Variants in ATP11B observed in about 807,000 individuals in gnomAD.
ATP11B encodes the protein phospholipid-transporting ATPase IF.
In ATP11B, 81 loss-of-function variants were observed where a neutral mutation model predicts 157.8. That is an observed-to-expected ratio of 0.51 (90% confidence interval 0.43 to 0.62). The LOEUF is 0.62. ATP11B is among the 20% of genes least tolerant of loss of function. ATP11B has a pLI of 0.00. For synonymous variants in ATP11B, 451 were observed against 469.4 expected, an observed-to-expected ratio of 0.96 and a Z score of 0.51; for missense variants, 1,165 against 1,402.2, an observed-to-expected ratio of 0.83 and a Z score of 2.70.
chr3:182,817,726 A>T (rs1239770717), intron 1 of ATP11B, among the ~76,000 whole-genome samples: 1 of 152,046 alleles, frequency 6.6e-6, no homozygotes, highest in Admixed American at 6.5e-5. Context: ...ATGTGCATTT[A>T]TATGTTAATA....
chr3:182,918,571 T>C lies in ATP11B; in HGVS notation c.*467T>C, dbSNP rs1027238127. The C allele has an allele frequency of 5.1e-6, 2 of 388,524 alleles. No individual in the cohort carries two copies. Among genetic ancestry groups the C allele is most frequent in the Admixed American group, 4.4e-5 (1 of 22,502 alleles). The allele number at this position is 388,524 out of a possible 1,614,324, so 24.1% of individuals were successfully genotyped here. A position where few individuals can be genotyped will look rare whatever the true frequency, so the allele number is the denominator to read the frequency against. On this transcript the variant is annotated 3_prime_UTR_variant, in exon 30 of 30. Transcript: ENST00000323116. Reference sequence around the variant, plus strand: ...TTTATTAGAGTTATATTTAAAGCTTTTCATGGGAAAAGTTAATGTGAATAC... The same window carrying C: ...TTTATTAGAGTTATATTTAAAGCTTCTCATGGGAAAAGTTAATGTGAATAC...
At chr3:182,801,191 A>G (rs543873301) in intron 1 of ATP11B, among the ~76,000 whole-genome samples, 1 of 152,310 alleles carries the variant, frequency 6.6e-6, no homozygotes, top group Non-Finnish European at 1.5e-5. Flanking sequence ...CTTTAAAACT[A>G]TTAGATTGTC....
rs1296553661 is a variant in ATP11B at position 182,921,043 on chromosome 3, G to A, written c.*2939G>A. The A allele has an allele frequency of 1.3e-5, 2 of 152,156 alleles. No individual in the cohort carries two copies. 9.4% of individuals were successfully genotyped at this position (152,156 alleles called of 1,614,324 possible). On this transcript the variant is annotated 3_prime_UTR_variant, in exon 30 of 30. Transcript: ENST00000323116. ...TGAGATTGAACTTATCTGATCGCTT[G>A]AGACTCCTAATAGGCAGGAGTCAAG...
At chr3:182,883,550 A>ACCCAGCCTGAGCCACCGTG (rs933293655) in intron 21 of ATP11B, among the ~76,000 whole-genome samples, 1 of 151,298 alleles carries the variant, frequency 6.6e-6, no homozygotes, top group African/African-American at 2.4e-5. Context: ...GAGCCACCAC[A>ACCCAGCCTGAGCCACCGTG]CCCAGCCTGA....
intron 7 of ATP11B, among the ~76,000 whole-genome samples, chr3:182,839,566 T>C (rs1718834839): frequency 6.7e-6 from 1 of 148,836 alleles, no homozygotes; most frequent in East Asian, 1.9e-4. Flanking sequence ...GGATTTCTAC[T>C]GATTTTTAAT....
At position 182,828,123 on chromosome 3, in the gene ATP11B, A is replaced by C. The variant is rs1184841692; in HGVS notation, c.148A>C (p.Thr50Pro). The C allele has an allele frequency of 1.4e-6, 2 of 1,390,098 alleles. No individual in the cohort carries two copies. Among genetic ancestry groups the C allele is most frequent in the Non-Finnish European group, 2.0e-6 (2 of 1,023,006 alleles). The allele number at this position is 1,390,098 out of a possible 1,614,324, so 86.1% of individuals were successfully genotyped here. The change falls in exon 3 of 30, where the codon ACT becomes CCT. Residue 50 changes from threonine (T) to proline (P), a missense_variant. Physicochemically the swap from Thr to Pro is conservative, Grantham distance 38. Coordinates refer to ENST00000323116, the MANE Select transcript of ATP11B (RefSeq NM_014616.3). The part of the protein sequence containing the change: ...IDNRIISSKY[T>P]VWNFVPKNLF... ...TTATTGATCTCTTTCTTTTTAGTAC[A>C]CTGTGTGGAATTTTGTTCCAAAAAA...
intron 28 of ATP11B, among the ~76,000 whole-genome samples, chr3:182,899,150 ATT>A (rs34492261): frequency 0.31 from 39,616 of 127,848 alleles, 6,606 homozygotes; most frequent in East Asian, 0.53. Flanking sequence ...AATTTGAGTA[ATT>A]TTTTTTTTTT....
chr3:182,905,910 C>T lies in ATP11B; in HGVS notation c.3318+7138C>T, dbSNP rs751680342. ...CTTGCAGCCAGCAGGACAGTTGTTG[C>T]GTGCACTAGGTAGTACTGCGCTGGA... is the stretch of plus-strand genomic sequence containing the variant. On this transcript the variant is annotated intron_variant, in intron 28 of 29. Transcript: ENST00000323116. 18 of 456,354 alleles carry T rather than the reference C, an allele frequency of 3.9e-5. 1 individual carries two copies. Among genetic ancestry groups the T allele is most frequent in the Admixed American group, 3.3e-4 (14 of 42,560 alleles). The allele number at this position is 456,354 out of a possible 1,614,324, so 28.3% of individuals were successfully genotyped here.
rs1300052974 is a variant in ATP11B, at chr3:182,900,502, C to T, written c.3318+1730C>T. Among the ~76,000 whole-genome samples, 5 of 151,874 alleles carry T rather than the reference C, an allele frequency of 3.3e-5. No homozygotes were observed. The East Asian group carries it at 5.8e-4, about 18-fold the overall frequency. On this transcript the variant is annotated intron_variant, in intron 28 of 29. Transcript: ENST00000323116. The stretch of plus-strand genomic sequence containing the variant: ...AATCTGATTCCTCTATCTGTCCATG[C>T]GTATATATTTATATCAGTGTGGACA...
In ATP11B at chr3:182,870,914, C is replaced by T. The variant is rs1360605777; in HGVS notation, c.1867-1442C>T. On this transcript the variant is annotated intron_variant, in intron 17 of 29. Coordinates refer to ENST00000323116, the MANE Select transcript of ATP11B (RefSeq NM_014616.3). The stretch of plus-strand genomic sequence containing the variant: ...CTGCACTCCAGCCTGGGCAACAGAG[C>T]AAGTCTCCGTCTGAAAAAAAAAAAA... Among the ~76,000 whole-genome samples the T allele has an allele frequency of 2.9e-5, 4 of 139,514 alleles. No individual in the cohort carries two copies. The East Asian group carries it at 8.4e-4, about 29-fold the overall frequency. The allele number at this position is 139,514 out of a possible 152,430, so 91.5% of individuals were successfully genotyped here. A position where few individuals can be genotyped will look rare whatever the true frequency, so the allele number is the denominator to read the frequency against.
chr3:182,805,750 C>A (rs957682967), intron 1 of ATP11B, among the ~76,000 whole-genome samples: 1 of 151,988 alleles, frequency 6.6e-6, no homozygotes, highest in African/African-American at 2.4e-5. Context: ...CGTGAGCCAC[C>A]GCACTGGGCC....
intron 4 of ATP11B, among the ~76,000 whole-genome samples, chr3:182,831,240 A>G (rs1461193127): frequency 1.3e-5 from 2 of 152,120 alleles, no homozygotes; most frequent in African/African-American, 4.8e-5. Context: ...TGGCACTACC[A>G]TCCAACCACC....
At chr3:182,904,408 A>G (rs1227911995) in intron 28 of ATP11B, among the ~76,000 whole-genome samples, 5 of 152,258 alleles carry the variant, frequency 3.3e-5, no homozygotes, top group South Asian at 2.1e-4. Flanking sequence ...ACAAGTGCCC[A>G]TATACATCTT....
chr3:182,885,045 CAGAA>C, intron 22 of ATP11B, 147 bp downstream of exon 22: 1 of 533,520 alleles, frequency 1.9e-6, no homozygotes, highest in Non-Finnish European at 3.0e-6. Flanking sequence ...TCTATACTGA[CAGAA>C]AGCAAATCAG....
chr3:182,818,408 A>G (rs1286668713), intron 1 of ATP11B, among the ~76,000 whole-genome samples: 1 of 152,246 alleles, frequency 6.6e-6, no homozygotes, highest in Non-Finnish European at 1.5e-5. Flanking sequence ...TTTTTTCCTT[A>G]AAGAGACTGA....
Position 182,837,061 on chromosome 3 carries a change from T to C in ATP11B, c.553-10T>C, listed in dbSNP as rs1256708731. ...TCTGAAAACTCTACAGTTTAATTCA[T>C]TTTTTTCAGACACATGTGGCAGTTC... On this transcript the variant is annotated splice_polypyrimidine_tract_variant and intron_variant, in intron 6 of 29. Transcript: ENST00000323116. 1 of 1,600,556 alleles carries C rather than the reference T, an allele frequency of 6.2e-7. No homozygotes were observed. The highest frequency in any genetic ancestry group is 1.7e-5 in the Admixed American group (1 of 59,160).
At chr3:182,829,618 G>A (rs74454657) in intron 3 of ATP11B, 54 bp from the exon 4 acceptor site, 38,990 of 1,191,854 alleles carry the variant, frequency 0.033, 1,142 homozygotes, top group East Asian at 0.11. Context: ...TGTTAATAGT[G>A]TGATGTGCAC....
intron 1 of ATP11B, among the ~76,000 whole-genome samples, chr3:182,799,921 G>A (rs1348801170): frequency 2.0e-5 from 3 of 152,028 alleles, no homozygotes; most frequent in Non-Finnish European, 4.4e-5. Flanking sequence ...AGGCCAGATT[G>A]GGCAACATAG....
chr3:182,905,231 T>G (rs1028899658), intron 28 of ATP11B, among the ~76,000 whole-genome samples: 1 of 152,336 alleles, frequency 6.6e-6, no homozygotes, highest in African/African-American at 2.4e-5. Flanking sequence ...TGGAAACATT[T>G]TAAACTTCCT....
Sources: gnomAD v4.1 joint callset for allele counts (sites outside exome capture counted in the v4.1 genomes callset) on GRCh38, gnomAD v4.1.1 for gene constraint, MANE v1.5 for transcripts, NCBI Gene and HGNC (gene_info 2026-07-23, HGNC 2026-07-21) for gene names.